Variants in TCTN3 observed in about 807,000 individuals in gnomAD.
TCTN3 encodes tectonic-3.
Under a neutral mutation model 71.3 loss-of-function variants are expected in TCTN3, and 57 were observed. The ratio of observed to expected loss-of-function variants is 0.80; its 90% confidence interval spans 0.65 to 1.00. TCTN3 has a LOEUF of 1.00. Ranked by LOEUF, TCTN3 falls within the 50% of genes least tolerant of loss-of-function variation. The pLI is 0.00. For missense variants in TCTN3, 696 were observed against 719.9 expected (o/e 0.97, Z 0.38); for synonymous variants, 258 against 267.8 (o/e 0.96, Z 0.36).
At chr10:95,685,140 A>G (rs2097947034) in intron 8 of TCTN3, among the ~76,000 whole-genome samples, 2 of 152,240 alleles carry the variant, frequency 1.3e-5, no homozygotes, top group East Asian at 3.8e-4. Context: ...AATCTACTTC[A>G]GAGTTTCAGA....
In TCTN3 at chr10:95,693,446, G is replaced by A. The variant is rs747513955; in HGVS notation, c.287C>T (p.Pro96Leu). The change falls in exon 2 of 14, where the codon CCT (proline) becomes CTT (leucine). Residue 96 changes from proline (P) to leucine (L), a missense_variant. Pro to Leu is a moderately conservative substitution (Grantham distance 98). Coordinates refer to ENST00000371217, the MANE Select transcript of TCTN3 (RefSeq NM_015631.6). Reference protein sequence around the residue: ...VLPICVCDLTPGACDINCCCD... With the variant: ...VLPICVCDLTLGACDINCCCD... ...GCAGCAATTTATATCGCAGGCTCCA[G>A]GAGTCAAGTCACAGACACAGATCGG... The A allele has an allele frequency of 1.3e-6, 2 of 1,552,188 alleles. No individual in the cohort carries two copies. Among genetic ancestry groups the A allele is most frequent in the South Asian group, 2.4e-5 (2 of 84,064 alleles).
chr10:95,684,713 T>G, intron 8 of TCTN3, 89 bp from the exon 9 acceptor site: 2 of 1,446,506 alleles, frequency 1.4e-6, no homozygotes, highest in Non-Finnish European at 1.9e-6. Context: ...AAGGGTGTTA[T>G]TATAACTAAA....
At chr10:95,692,775 TTTG>T (rs1442883929) in intron 3 of TCTN3, 142 bp downstream of exon 3, 6 of 624,934 alleles carry the variant, frequency 9.6e-6, no homozygotes, top group South Asian at 4.0e-5. Context: ...TTGCTTTTTT[TTTG>T]TTGTTGTTTT....
At chr10:95,667,930 G>A (rs184460566) in intron 13 of TCTN3, among the ~76,000 whole-genome samples, 26 of 152,032 alleles carry the variant, frequency 1.7e-4, no homozygotes, top group African/African-American at 7.2e-5. Flanking sequence ...ACAAACATGC[G>A]GAAAGTTTCT....
intron 13 of TCTN3, among the ~76,000 whole-genome samples, chr10:95,673,644 A>C (rs1162985914): frequency 6.6e-6 from 1 of 152,056 alleles, no homozygotes; most frequent in Non-Finnish European, 1.5e-5. Flanking sequence ...GGAGTTTGAG[A>C]CCATCCTGGG....
intron 3 of TCTN3, among the ~76,000 whole-genome samples, chr10:95,692,285 C>T (rs2097954212): frequency 6.6e-6 from 1 of 151,940 alleles, no homozygotes. Context: ...AGGTGGGTGG[C>T]CCATGAGGTC....
chr10:95,682,142 C>G (rs1222337305), intron 12 of TCTN3, among the ~76,000 whole-genome samples: 2 of 150,396 alleles, frequency 1.3e-5, no homozygotes, highest in African/African-American at 2.5e-5. Context: ...ATGCAATGAG[C>G]CATGATTGTG....
At position 95,687,159 on chromosome 10, in the gene TCTN3, C is replaced by A. The variant is rs1208259039; in HGVS notation, c.737G>T (p.Gly246Val). The A allele has an allele frequency of 6.2e-7, 1 of 1,613,716 alleles. No individual in the cohort carries two copies. Among genetic ancestry groups the A allele is most frequent in the Non-Finnish European group, 8.5e-7 (1 of 1,179,692 alleles). ...AGTTGTACTTTTACTCTCTAGGAAA[C>A]CTTAAACACAAATAATTAAGAGAGT... ...GGLCAESNPAGFLESKSTTCT... is the reference protein window; with the variant it reads ...GGLCAESNPAVFLESKSTTCT... Residue 246 changes from glycine (G) to valine (V), a missense_variant and splice_region_variant, in exon 6 of 14, where the codon GGT becomes GTT. Transcript: ENST00000371217.
At chr10:95,683,684 C>T in intron 9 of TCTN3, 55 bp from the exon 10 acceptor site, 3 of 1,499,682 alleles carry the variant, frequency 2.0e-6, no homozygotes, top group Non-Finnish European at 1.8e-6. Context: ...TTTCCCACCT[C>T]CCACTGCTTG....
intron 8 of TCTN3, 111 bp from the exon 9 acceptor site, chr10:95,684,735 G>T: frequency 1.7e-6 from 2 of 1,180,306 alleles, no homozygotes; most frequent in Non-Finnish European, 2.3e-6. Flanking sequence ...GAGGCAGACT[G>T]AAACAGTAAT....
chr10:95,686,419 A>G (rs1014552696), intron 7 of TCTN3, 76 bp downstream of exon 7: 6 of 1,463,510 alleles, frequency 4.1e-6, no homozygotes, highest in South Asian at 3.4e-5. Context: ...CAACAGTACA[A>G]CTTAGACTAA....
chr10:95,689,376 C>T (rs1246589125), intron 3 of TCTN3, among the ~76,000 whole-genome samples: 1 of 152,194 alleles, frequency 6.6e-6, no homozygotes, highest in Admixed American at 6.5e-5. Flanking sequence ...GTTCTGTGGG[C>T]CACTTTCCAC....
chr10:95,674,459 A>G (rs1254928562), intron 13 of TCTN3, among the ~76,000 whole-genome samples: 3 of 152,226 alleles, frequency 2.0e-5, no homozygotes, highest in Non-Finnish European at 4.4e-5. Context: ...ATTAATATCT[A>G]TATTTTATCT....
At chr10:95,681,865 A>G (rs144298199) in intron 12 of TCTN3, among the ~76,000 whole-genome samples, 1 of 152,350 alleles carries the variant, frequency 6.6e-6, no homozygotes, top group East Asian at 1.9e-4. Flanking sequence ...TTTCTAAGTA[A>G]GGAAAATACA....
chr10:95,684,663 T>C, intron 8 of TCTN3, 39 bp from the exon 9 acceptor site: 2 of 1,608,874 alleles, frequency 1.2e-6, no homozygotes, highest in South Asian at 1.1e-5. Context: ...AAAGTAGTTA[T>C]TGGGCCGAAT....
chr10:95,683,648 G>C lies in TCTN3; in HGVS notation c.1096-19C>G. ...GAAAAGCCTGCAGAAAGAGGGAAGAGAAGTCAATTATGGAGATAAGCATAC... is the reference window on the plus strand; with the variant it reads ...GAAAAGCCTGCAGAAAGAGGGAAGACAAGTCAATTATGGAGATAAGCATAC... On this transcript the variant is annotated intron_variant, in intron 9 of 13. Transcript: ENST00000371217. 1.3e-5 allele frequency: 20 copies of C among 1,579,174 alleles called. No homozygotes were observed. The highest frequency in any genetic ancestry group is 2.7e-5 in the African/African-American group (2 of 74,024).
intron 13 of TCTN3, among the ~76,000 whole-genome samples, chr10:95,679,650 G>A (rs2097940916): frequency 7.0e-6 from 1 of 143,590 alleles, no homozygotes; most frequent in Non-Finnish European, 1.5e-5. Flanking sequence ...GGAGTGCAGT[G>A]GCGGGATCTC....
intron 13 of TCTN3, among the ~76,000 whole-genome samples, chr10:95,677,483 G>GTTTTTTTTTTTTTTTTTTTTTTTTTTTT (rs1223582407): frequency 1.6e-5 from 1 of 61,986 alleles, no homozygotes; most frequent in Non-Finnish European, 3.5e-5. Flanking sequence ...AGTTTTTTTT[G>GTTTTTTTTTTTTTTTTTTTTTTTTTTTT]TTTTTTTTTT....
At chr10:95,684,104 T>C (rs975864868) in intron 9 of TCTN3, among the ~76,000 whole-genome samples, 1 of 152,156 alleles carries the variant, frequency 6.6e-6, no homozygotes, top group Non-Finnish European at 1.5e-5. Context: ...GAAAGCCAAA[T>C]GGCAGTGATT....
Sources: gnomAD v4.1 joint callset for allele counts (sites outside exome capture counted in the v4.1 genomes callset) on GRCh38, gnomAD v4.1.1 for gene constraint, MANE v1.5 for transcripts, NCBI Gene and HGNC (gene_info 2026-07-23, HGNC 2026-07-21) for gene names.